The following GREB1L variants were observed in gnomAD, a reference collection of about 807,000 sequenced individuals.
The protein encoded by GREB1L is GREB1 like retinoic acid receptor coactivator.
A neutral mutation model predicts 200.8 loss-of-function variants in GREB1L; 17 were observed. That is an observed-to-expected ratio of 0.08 (90% confidence interval 0.06 to 0.13). GREB1L has a LOEUF of 0.13. Among genes scored for constraint, GREB1L ranks in the 10% least tolerant of loss-of-function variants. The pLI is 1.00. For synonymous variants in GREB1L, 789 were observed against 893.0 expected (o/e 0.88, Z 2.08); for missense variants, 1,657 against 2,367.7 (o/e 0.70, Z 6.23).
chr18:21,408,625 T>A (rs1189818034), intron 7 of GREB1L, among the ~76,000 whole-genome samples: 1 of 151,896 alleles, frequency 6.6e-6, no homozygotes. Flanking sequence ...AGAAACTCCG[T>A]CTCTACTAAA....
chr18:21,314,412 C>G (rs2038837529), intron 1 of GREB1L, among the ~76,000 whole-genome samples: 1 of 152,100 alleles, frequency 6.6e-6, no homozygotes, highest in African/African-American at 2.4e-5. Flanking sequence ...ACTACTGTTT[C>G]ATAAGCCCAC....
At chr18:21,379,476 A>T (rs1257502204) in intron 2 of GREB1L, among the ~76,000 whole-genome samples, 1 of 152,180 alleles carries the variant, frequency 6.6e-6, no homozygotes, top group Non-Finnish European at 1.5e-5. Context: ...AAGTGCTGAG[A>T]TTACTGATGT....
intron 19 of GREB1L, among the ~76,000 whole-genome samples, chr18:21,494,843 T>C (rs1205483283): frequency 6.6e-6 from 1 of 152,230 alleles, no homozygotes; most frequent in Non-Finnish European, 1.5e-5. Context: ...ATCTGTAAGA[T>C]CATTTTACTT....
In GREB1L at chr18:21,511,377, A is replaced by T. The variant is rs188194539; in HGVS notation, c.4736-2444A>T. 8.6e-3 allele frequency among the ~76,000 whole-genome samples: 1,306 copies of T among 151,710 alleles called. 23 individuals are homozygous for T. Among genetic ancestry groups the T allele is most frequent in the African/African-American group, 0.029 (1,211 of 41,332 alleles). On this transcript the variant is annotated intron_variant, in intron 27 of 32. Transcript: ENST00000424526. ...GAAACTCCGTCTCAAAAAAAAAAAA[A>T]TTTTTCTCCCATTCCATGGATTGCC... is the stretch of plus-strand genomic sequence containing the variant.
intron 1 of GREB1L, among the ~76,000 whole-genome samples, chr18:21,307,451 G>A (rs2038718362): frequency 6.6e-6 from 1 of 152,136 alleles, no homozygotes; most frequent in Admixed American, 6.5e-5. Context: ...AAATTAGAGA[G>A]GTGGTCCTAA....
chr18:21,306,871 C>T (rs1013659594), intron 1 of GREB1L, among the ~76,000 whole-genome samples: 7 of 152,140 alleles, frequency 4.6e-5, no homozygotes, highest in Non-Finnish European at 8.8e-5. Flanking sequence ...CCTTGCTGCT[C>T]TTTGCTGATA....
chr18:21,505,971 C>T (rs972040352), intron 25 of GREB1L, 22 bp downstream of exon 25: 14 of 1,545,206 alleles, frequency 9.1e-6, no homozygotes, highest in Admixed American at 7.9e-5. Flanking sequence ...CCTTCGCCCT[C>T]GCCCTCTGTC....
chr18:21,245,841 C>T (rs1456600537), intron 1 of GREB1L, among the ~76,000 whole-genome samples: 2 of 152,156 alleles, frequency 1.3e-5, no homozygotes, highest in Non-Finnish European at 2.9e-5. Context: ...CCTCAGCCTC[C>T]CTAGCAGCTG....
chr18:21,460,805 C>T (rs902439622), intron 15 of GREB1L, among the ~76,000 whole-genome samples: 5 of 151,904 alleles, frequency 3.3e-5, no homozygotes, highest in African/African-American at 4.8e-5. Flanking sequence ...CAAATAAAAA[C>T]TTGCCTCTAG....
chr18:21,297,798 A>G (rs891986561), intron 1 of GREB1L, among the ~76,000 whole-genome samples: 3 of 151,950 alleles, frequency 2.0e-5, no homozygotes, highest in African/African-American at 7.3e-5. Context: ...CTTGTGTGGC[A>G]TTATCTCTAA....
chr18:21,322,774 G>T (rs745308428), intron 1 of GREB1L, among the ~76,000 whole-genome samples: 2 of 152,152 alleles, frequency 1.3e-5, no homozygotes, highest in South Asian at 2.1e-4. Flanking sequence ...GAGGGGGAAA[G>T]ATACATTATT....
chr18:21,338,485 A>T (rs559075872), intron 1 of GREB1L, among the ~76,000 whole-genome samples: 63 of 152,356 alleles, frequency 4.1e-4, no homozygotes, highest in African/African-American at 1.5e-3. Flanking sequence ...TATCTGTTCT[A>T]TTCTTCCTTG....
At chr18:21,469,026 G>A (rs981919103) in intron 15 of GREB1L, 5 of 248,582 alleles carry the variant, frequency 2.0e-5, no homozygotes, top group African/African-American at 1.1e-4. Context: ...CCAAGTTTCT[G>A]CATTGTAAAG....
At chr18:21,474,674 A>AC (rs1455698139) in intron 16 of GREB1L, among the ~76,000 whole-genome samples, 3 of 152,104 alleles carry the variant, frequency 2.0e-5, no homozygotes, top group Non-Finnish European at 4.4e-5. Flanking sequence ...TAGGCTGCAC[A>AC]CAGCACAGGG....
At chr18:21,423,224 G>A (rs1205133246) in intron 7 of GREB1L, among the ~76,000 whole-genome samples, 1 of 152,120 alleles carries the variant, frequency 6.6e-6, no homozygotes, top group Non-Finnish European at 1.5e-5. Context: ...CACCATGCCT[G>A]GCCCAAAATC....
At chr18:21,382,356 T>A (rs1238253275) in intron 2 of GREB1L, among the ~76,000 whole-genome samples, 6 of 151,934 alleles carry the variant, frequency 3.9e-5, no homozygotes, top group East Asian at 1.9e-4. Context: ...AAAAAATTTT[T>A]AAAAAAATAG....
chr18:21,450,035 C>G (rs2034443209), intron 12 of GREB1L, among the ~76,000 whole-genome samples, 199 bp downstream of exon 12: 1 of 152,078 alleles, frequency 6.6e-6, no homozygotes, highest in Admixed American at 6.5e-5. Context: ...TGGCTGGTGC[C>G]CCTGTCAGCT....
At chr18:21,452,404 G>A (rs1443037335) in intron 14 of GREB1L, 187 bp downstream of exon 14, 2 of 552,210 alleles carry the variant, frequency 3.6e-6, no homozygotes, top group East Asian at 3.1e-5. Context: ...CAAAGGCTTT[G>A]TTCCTAGTAA....
chr18:21,340,155 C>T (rs148540897), intron 1 of GREB1L, among the ~76,000 whole-genome samples: 2,901 of 152,256 alleles, frequency 0.019, 44 homozygotes, highest in Non-Finnish European at 0.032. Context: ...TGGTGGCTCA[C>T]GCCTGTAATC....
Sources: allele counts gnomAD v4.1 joint callset (sites outside exome capture counted in the v4.1 genomes callset), GRCh38; gene constraint gnomAD v4.1.1; transcripts MANE v1.5; gene names NCBI Gene and HGNC (gene_info 2026-07-23, HGNC 2026-07-21).